The following KIAA1328 variants were observed in gnomAD, a reference collection of about 807,000 sequenced individuals.
KIAA1328 encodes the protein KIAA1328, also known as protein hinderin.
KIAA1328 carries 52 observed loss-of-function variants against 68.1 expected under a neutral mutation model. That is an observed-to-expected ratio of 0.76 (90% CI 0.61 to 0.96). The LOEUF (loss-of-function observed/expected upper bound fraction) is 0.96, where lower values mean the gene tolerates loss of function less well. Ranked by LOEUF, KIAA1328 falls within the 40% of genes least tolerant of loss-of-function variation. KIAA1328 has a pLI of 0.00. For synonymous variants in KIAA1328, 232 were observed against 239.4 expected, an observed-to-expected ratio of 0.97 and a Z score of 0.28; for missense variants, 641 against 677.6, an observed-to-expected ratio of 0.95 and a Z score of 0.60.
chr18:36,973,436 C>T (rs1057023535), intron 6 of KIAA1328, among the ~76,000 whole-genome samples: 7 of 152,040 alleles, frequency 4.6e-5, no homozygotes, highest in African/African-American at 1.7e-4. Flanking sequence ...AACAAACCTA[C>T]ACGTTGTGCA....
At chr18:36,931,070 T>C (rs1375473970) in intron 5 of KIAA1328, among the ~76,000 whole-genome samples, 1 of 152,104 alleles carries the variant, frequency 6.6e-6, no homozygotes, top group East Asian at 1.9e-4. Flanking sequence ...CATAGGGCAG[T>C]CACTAGGACT....
At chr18:37,117,886 AAATAT>A (rs1204747985) in intron 7 of KIAA1328, among the ~76,000 whole-genome samples, 2 of 141,722 alleles carry the variant, frequency 1.4e-5, no homozygotes, top group African/African-American at 5.6e-5. Flanking sequence ...TAAAAAAAAA[AAATAT>A]ATATATATAT....
chr18:36,864,594 GTTT>G (rs80149272), intron 4 of KIAA1328, among the ~76,000 whole-genome samples: 19,080 of 129,842 alleles, frequency 0.15, 1,434 homozygotes, highest in Admixed American at 0.2. Flanking sequence ...GTGGTCAGTA[GTTT>G]TTTTTTTTTT....
intron 5 of KIAA1328, among the ~76,000 whole-genome samples, chr18:36,940,070 G>A (rs1019941029): frequency 6.6e-6 from 1 of 152,014 alleles, no homozygotes; most frequent in African/African-American, 2.4e-5. Context: ...TGATAAAATG[G>A]CACATTTTAA....
chr18:37,065,907 T>A (rs1030132612), intron 6 of KIAA1328, among the ~76,000 whole-genome samples: 10 of 152,174 alleles, frequency 6.6e-5, no homozygotes, highest in Admixed American at 5.2e-4. Context: ...GAGCTAAGTA[T>A]AACAACTCAA....
chr18:36,968,787 T>G (rs1473106548), intron 6 of KIAA1328, among the ~76,000 whole-genome samples: 1 of 152,190 alleles, frequency 6.6e-6, no homozygotes, highest in African/African-American at 2.4e-5. Context: ...ATGGATCTGA[T>G]AGACATCTAT....
At chr18:37,027,651 A>G (rs2054641529) in intron 6 of KIAA1328, among the ~76,000 whole-genome samples, 1 of 152,232 alleles carries the variant, frequency 6.6e-6, no homozygotes, top group Non-Finnish European at 1.5e-5. Context: ...GTGCTGGGAA[A>G]ACTGGCTAGC....
intron 7 of KIAA1328, among the ~76,000 whole-genome samples, chr18:37,075,937 T>C (rs2056715808): frequency 1.3e-5 from 2 of 152,000 alleles, no homozygotes; most frequent in African/African-American, 4.8e-5. Flanking sequence ...GACAGAAAGT[T>C]AACAAGGATA....
chr18:36,849,048 A>G (rs1182542968), intron 4 of KIAA1328, among the ~76,000 whole-genome samples: 1 of 151,902 alleles, frequency 6.6e-6, no homozygotes, highest in Non-Finnish European at 1.5e-5. Context: ...TAAGATATAC[A>G]TAAAATTTAC....
At chr18:37,057,853 G>GAC (rs2055981688) in intron 6 of KIAA1328, among the ~76,000 whole-genome samples, 1 of 152,150 alleles carries the variant, frequency 6.6e-6, no homozygotes, top group African/African-American at 2.4e-5. Flanking sequence ...GTGCAGCTAT[G>GAC]ACAAGGATCT....
chr18:37,190,647 G>A (rs2059888578), intron 9 of KIAA1328, among the ~76,000 whole-genome samples: 1 of 152,152 alleles, frequency 6.6e-6, no homozygotes, highest in African/African-American at 2.4e-5. Flanking sequence ...TTCTTTCTCT[G>A]AGCCTCTTGT....
At chr18:37,117,465 A>G (rs1431800166) in intron 7 of KIAA1328, among the ~76,000 whole-genome samples, 1 of 152,056 alleles carries the variant, frequency 6.6e-6, no homozygotes. Context: ...ACACAGCGGT[A>G]GCGAACATCC....
intron 6 of KIAA1328, among the ~76,000 whole-genome samples, chr18:36,998,757 C>A (rs188879234): frequency 1.3e-4 from 20 of 152,278 alleles, no homozygotes; most frequent in African/African-American, 3.4e-4. Context: ...CAACCAGCAT[C>A]ATAGATACAC....
rs575184572 is a variant in KIAA1328 at position 36,939,095 on chromosome 18, G to A, written c.449-20213G>A. On this transcript the variant is annotated intron_variant, in intron 5 of 9. Transcript: ENST00000280020. ...TTGGGGTCTTTTGTAGTACAGATTT[G>A]GGGTGTTGTTTTTCCTATTTTTCTG... 1.4e-4 allele frequency among the ~76,000 whole-genome samples: 22 copies of A among 152,012 alleles called. No homozygotes were observed. In the East Asian group the frequency reaches 4.1e-3, roughly 28 times the overall value.
intron 5 of KIAA1328, among the ~76,000 whole-genome samples, chr18:36,933,287 T>G (rs1244521751): frequency 6.6e-6 from 1 of 152,194 alleles, no homozygotes; most frequent in African/African-American, 2.4e-5. Context: ...GCAGCCCTGC[T>G]CTGTGGTGGT....
chr18:37,150,053 T>C (rs1488909895), intron 7 of KIAA1328, among the ~76,000 whole-genome samples: 1 of 152,138 alleles, frequency 6.6e-6, no homozygotes, highest in Non-Finnish European at 1.5e-5. Context: ...CCAAGATTGG[T>C]ACAAAAAAGT....
intron 6 of KIAA1328, among the ~76,000 whole-genome samples, chr18:36,964,274 T>G (rs2051821645): frequency 6.6e-6 from 1 of 152,218 alleles, no homozygotes; most frequent in Non-Finnish European, 1.5e-5. Flanking sequence ...GGCAAGTATT[T>G]TCTTTCCTTG....
chr18:37,143,321 T>C (rs1290362487), intron 7 of KIAA1328, among the ~76,000 whole-genome samples: 1 of 152,176 alleles, frequency 6.6e-6, no homozygotes, highest in Admixed American at 6.5e-5. Flanking sequence ...TCTTACACAT[T>C]TTTTGTGGAA....
chr18:37,131,853 G>T (rs192057474), intron 7 of KIAA1328, among the ~76,000 whole-genome samples: 1 of 152,238 alleles, frequency 6.6e-6, no homozygotes, highest in Non-Finnish European at 1.5e-5. Context: ...ATACTCTGAG[G>T]CTTTTCATAC....
Sources: gnomAD v4.1 joint callset for allele counts (sites outside exome capture counted in the v4.1 genomes callset) on GRCh38, gnomAD v4.1.1 for gene constraint, MANE v1.5 for transcripts, NCBI Gene and HGNC (gene_info 2026-07-23, HGNC 2026-07-21) for gene names.